TUBGCP2: variants seen among roughly 807,000 people sequenced by gnomAD.
The protein encoded by TUBGCP2 is tubulin gamma complex component 2.
In TUBGCP2, 55 loss-of-function variants were observed where a neutral mutation model predicts 92.2. That is an observed-to-expected ratio of 0.60 (90% CI 0.48 to 0.75). The LOEUF is 0.75. Among genes scored for constraint, TUBGCP2 ranks in the 30% least tolerant of loss-of-function variants. The pLI is 0.00. For synonymous variants in TUBGCP2, 533 were observed against 505.2 expected, an observed-to-expected ratio of 1.06 and a Z score of -0.74; for missense variants, 1,093 against 1,188.9, an observed-to-expected ratio of 0.92 and a Z score of 1.19.
upstream of TUBGCP2, chr10:133,309,555 T>TGGAA: frequency 1.4e-6 from 2 of 1,438,518 alleles, no homozygotes; most frequent in Non-Finnish European, 1.9e-6. Flanking sequence ...CGCTCTTCCA[T>TGGAA]GTGCGGCCGC....
chr10:133,296,348 C>T (rs1468773391), intron 5 of TUBGCP2, among the ~76,000 whole-genome samples: 1 of 152,192 alleles, frequency 6.6e-6, no homozygotes, highest in Admixed American at 6.5e-5. Flanking sequence ...CCATCAGGAG[C>T]TCTCAGGTGC....
chr10:133,287,307 C>T (rs558238110), intron 11 of TUBGCP2, among the ~76,000 whole-genome samples: 20 of 152,262 alleles, frequency 1.3e-4, no homozygotes, highest in African/African-American at 4.8e-4. Flanking sequence ...CCAGGCAAAC[C>T]CTGCCAAACA....
chr10:133,305,577 C>A (rs1044426782), intron 1 of TUBGCP2, among the ~76,000 whole-genome samples: 13 of 152,138 alleles, frequency 8.5e-5, no homozygotes, highest in Non-Finnish European at 1.5e-4. Flanking sequence ...AACCCACCGA[C>A]CCTGTGGGGC....
rs919945916 is a variant in TUBGCP2 at position 133,305,010 on chromosome 10, G to A, written c.-39-2030C>T. Among the ~76,000 whole-genome samples, 10 of 152,224 alleles carry A rather than the reference G, an allele frequency of 6.6e-5. No individual in the cohort carries two copies. In the East Asian group the frequency reaches 7.7e-4, roughly 12 times the overall value. On this transcript the variant is annotated intron_variant, in intron 1 of 17. Coordinates refer to ENST00000252936, the MANE Select transcript of TUBGCP2 (RefSeq NM_006659.4). ...AAAAACACCCGCTACTTAGCAGACCGGGAAAGGGAGTCTCCCTTTCCCCGG... is the reference window on the plus strand; with the variant it reads ...AAAAACACCCGCTACTTAGCAGACCAGGAAAGGGAGTCTCCCTTTCCCCGG...
Position 133,308,830 on chromosome 10 carries a change from C to A in TUBGCP2, c.-47G>T. The A allele has an allele frequency of 1.1e-6, 1 of 948,106 alleles. No homozygotes were observed. The highest frequency in any genetic ancestry group is 1.3e-6 in the Non-Finnish European group (1 of 741,272). 58.7% of individuals were successfully genotyped at this position (948,106 alleles called of 1,614,324 possible). ...CGTTCGGCCAGGACTCACCGCAGTC[C>A]CGGAGCCACAGCCCCCGCGCAGCCC... On this transcript the variant is annotated 5_prime_UTR_variant, in exon 1 of 18. Transcript: ENST00000252936.
chr10:133,285,025 T>G lies in TUBGCP2; in HGVS notation c.2024+60A>C. The G allele has an allele frequency of 6.5e-7, 1 of 1,545,370 alleles. No homozygotes were observed. The highest frequency in any genetic ancestry group is 1.2e-5 in the South Asian group (1 of 81,736). Reference sequence around the variant, plus strand: ...GGGCACAAGGGGGGCGCTGCACCACTGGGCAGAGTGCAGCGAGCGCTGCTT... The same window carrying G: ...GGGCACAAGGGGGGCGCTGCACCACGGGGCAGAGTGCAGCGAGCGCTGCTT... On this transcript the variant is annotated intron_variant, in intron 13 of 17. Coordinates refer to ENST00000252936, the MANE Select transcript of TUBGCP2 (RefSeq NM_006659.4). This position sits in a 1 kb window ranked among gnomAD's most constrained non-coding sequence, Gnocchi z 6.8.
chr10:133,298,045 G>A lies in TUBGCP2; in HGVS notation c.523C>T (p.Pro175Ser). ...TCATACACCCATGCTGGGAAGATGG[G>A]GAGGTGCTGGCCTGAATTTTTTTTG... ...QNKKNSGQHL[P>S]IFPAWVYERP... is the part of the protein sequence containing the mutation. The change falls in exon 5 of 18, where the codon CCC (proline) becomes TCC (serine). Residue 175 changes from proline to serine, a missense_variant. Pro to Ser is a moderately conservative substitution (Grantham distance 74, BLOSUM62 -1). Transcript: ENST00000252936. 2 of 1,614,168 alleles carry A rather than the reference G, an allele frequency of 1.2e-6. No homozygotes were observed. The highest frequency in any genetic ancestry group is 8.5e-7 in the Non-Finnish European group (1 of 1,180,042).
intron 1 of TUBGCP2, 54 bp downstream of exon 1, chr10:133,308,769 G>A (rs975599096): frequency 5.4e-6 from 2 of 372,472 alleles, no homozygotes; most frequent in Non-Finnish European, 4.6e-6. Flanking sequence ...CCCCGGGCCT[G>A]GCAGTCCCCC....
In TUBGCP2 at chr10:133,280,387, GGGGCACA is replaced by G. The variant is rs563939455; in HGVS notation, c.2574-493_2574-487del. Reference sequence around the variant, plus strand: ...GCTCAGAAAATCAGAACATTTGTGGGGGGCACAGGGCACAGGGTGGTCCAAAAGCACA... The same window carrying G: ...GCTCAGAAAATCAGAACATTTGTGGGGGGCACAGGGTGGTCCAAAAGCACA... On this transcript the variant is annotated intron_variant, in intron 17 of 17. Coordinates refer to ENST00000252936, the MANE Select transcript of TUBGCP2 (RefSeq NM_006659.4). Among the ~76,000 whole-genome samples the G allele has an allele frequency of 4.4e-3, 668 of 152,320 alleles. 3 individuals carry two copies. Among genetic ancestry groups the G allele is most frequent in the Non-Finnish European group, 7.4e-3 (502 of 68,028 alleles).
chr10:133,289,309 C>A (rs1012412500), intron 9 of TUBGCP2, among the ~76,000 whole-genome samples: 3 of 152,234 alleles, frequency 2.0e-5, no homozygotes, highest in Non-Finnish European at 4.4e-5. Context: ...ATTTTCTAAC[C>A]AAGGGCACAG....
intron 5 of TUBGCP2, among the ~76,000 whole-genome samples, chr10:133,294,109 C>A (rs1048488792): frequency 2.6e-5 from 4 of 152,264 alleles, no homozygotes; most frequent in African/African-American, 9.6e-5. Flanking sequence ...TTGGTAAGTA[C>A]AACTTGGTAA....
In TUBGCP2 at chr10:133,281,368, G is replaced by A; in HGVS notation, c.2478C>T (p.Asp826=). ...CCAGCAGGTGGGCTGAGAAGTTCTTGTCAAACTTGTTGATGGTGGCCTCGA... is the reference window on the plus strand; with the variant it reads ...CCAGCAGGTGGGCTGAGAAGTTCTTATCAAACTTGTTGATGGTGGCCTCGA... ...SGFEATINKF[D]KNFSAHLLDL... is the part of the protein sequence containing the mutation. The change falls in exon 17 of 18, where the codon GAC becomes GAT. Residue 826 remains aspartate (D), a synonymous_variant. Coordinates refer to ENST00000252936, the MANE Select transcript of TUBGCP2 (RefSeq NM_006659.4). 6.2e-7 allele frequency: 1 copy of A among 1,613,904 alleles called. No homozygotes were observed. The highest frequency in any genetic ancestry group is 1.1e-5 in the South Asian group (1 of 91,078).
At chr10:133,308,936 C>T, upstream of TUBGCP2, 2 of 1,223,670 alleles carry the variant, frequency 1.6e-6, no homozygotes, top group Non-Finnish European at 1.0e-6. Context: ...CCGCCCGCGC[C>T]CGGGGTGATG....
rs372140059 is a variant in TUBGCP2, at chr10:133,288,983, G to A, written c.1398C>T (p.Asp466=). The change falls in exon 10 of 18, where the codon GAC becomes GAT. Residue 466 remains aspartate (D), a synonymous_variant. Transcript: ENST00000252936. ...YLNVVRECGH[D]VTCPVAKEII... ...TCTCTTTAGCCACCGGGCAGGTGACGTCATGGCCACACTCTCTGACCACAT... is the reference window on the plus strand; with the variant it reads ...TCTCTTTAGCCACCGGGCAGGTGACATCATGGCCACACTCTCTGACCACAT... 2.0e-5 allele frequency: 32 copies of A among 1,613,826 alleles called. No individual in the cohort carries two copies. Among genetic ancestry groups the A allele is most frequent in the African/African-American group, 4.0e-5 (3 of 74,916 alleles).
intron 5 of TUBGCP2, 34 bp downstream of exon 5, chr10:133,297,918 A>G (rs764008362): frequency 2.5e-6 from 4 of 1,607,012 alleles, no homozygotes; most frequent in Non-Finnish European, 3.4e-6. Context: ...TCACGTACCT[A>G]TCGGCAGAGC....
At chr10:133,290,126 T>C (rs1390349231) in intron 8 of TUBGCP2, 157 bp from the exon 9 acceptor site, 3 of 1,094,448 alleles carry the variant, frequency 2.7e-6, no homozygotes, top group Non-Finnish European at 2.6e-6. Flanking sequence ...CAGTTACTTC[T>C]CAACTGTGGG....
chr10:133,301,372 G>A (rs979748780), intron 2 of TUBGCP2, among the ~76,000 whole-genome samples: 3 of 152,116 alleles, frequency 2.0e-5, no homozygotes, highest in South Asian at 2.1e-4. Flanking sequence ...TGATCCACCC[G>A]CCTCGGCCTC....
At chr10:133,293,342 G>C in intron 6 of TUBGCP2, 104 bp from the exon 7 acceptor site, 4 of 1,384,336 alleles carry the variant, frequency 2.9e-6, no homozygotes, top group Non-Finnish European at 4.0e-6. Context: ...TGACTCACTT[G>C]AACCCCACAT....
At position 133,292,731 on chromosome 10, in the gene TUBGCP2, C is replaced by T. The variant is rs374288554; in HGVS notation, c.1025-43G>A. ...GGCTCACTGCTGAGAAGGAAGCGCA[C>T]GCCCAGCCTCTGCCAACAACACTGC... On this transcript the variant is annotated intron_variant, in intron 7 of 17. Transcript: ENST00000252936. 82 of 1,575,004 alleles carry T rather than the reference C, an allele frequency of 5.2e-5. No individual in the cohort carries two copies. In the African/African-American group the frequency reaches 6.1e-4, roughly 12 times the overall value.
Sources: gnomAD v4.1 joint callset for allele counts (sites outside exome capture counted in the v4.1 genomes callset) on GRCh38, gnomAD v4.1.1 for gene constraint, Gnocchi (gnomAD v3.1) non-coding constraint, MANE v1.5 for transcripts, NCBI Gene and HGNC (gene_info 2026-07-23, HGNC 2026-07-21) for gene names.